The following GLRA3 variants were observed in gnomAD, a reference collection of about 807,000 sequenced individuals.
GLRA3 encodes glycine receptor alpha 3, also known as glycine receptor subunit alpha-3.
Under a neutral mutation model 60.4 loss-of-function variants are expected in GLRA3, and 44 were observed. The ratio of observed to expected loss-of-function variants is 0.73; its 90% CI spans 0.57 to 0.94. The LOEUF (loss-of-function observed/expected upper bound fraction) is 0.94. GLRA3 is among the 40% of genes least tolerant of loss of function. The pLI, the probability that GLRA3 is intolerant of heterozygous loss-of-function variation, is 0.00. For missense variants in GLRA3, 508 were observed against 564.6 expected (o/e 0.90, Z 1.02); for synonymous variants, 223 against 192.9 (o/e 1.16, Z -1.29).
chr4:174,812,502 C>A (rs924311401), intron 1 of GLRA3, among the ~76,000 whole-genome samples: 1 of 151,786 alleles, frequency 6.6e-6, no homozygotes, highest in South Asian at 2.1e-4. Context: ...GTGCAAGAAG[C>A]CCTACCTCTG....
chr4:174,796,672 G>A (rs1259129137), intron 1 of GLRA3, among the ~76,000 whole-genome samples: 1 of 151,994 alleles, frequency 6.6e-6, no homozygotes, highest in East Asian at 1.9e-4. Context: ...GAGTAGCTGG[G>A]ACTACAGGCA....
In GLRA3 at chr4:174,688,318, CATATATATATATATATATATATAT is replaced by C. The variant is rs553159490; in HGVS notation, c.575-5403_575-5380del. On this transcript the variant is annotated intron_variant, in intron 5 of 9. Transcript: ENST00000274093. The stretch of plus-strand genomic sequence containing the variant: ...CATAGTACTTATCCTTACCTGACAT[CATATATATATATATATATATATAT>C]ATATATATATATATATATATATATA... Among the ~76,000 whole-genome samples the C allele has an allele frequency of 1.1e-3, 37 of 34,960 alleles. 1 individual carries two copies. Among genetic ancestry groups the C allele is most frequent in the Middle Eastern group, 0.026 (1 of 38 alleles). The allele number at this position is 34,960 out of a possible 152,430, so 22.9% of individuals were successfully genotyped here. A position where few individuals can be genotyped will look rare whatever the true frequency, so the allele number is the denominator to read the frequency against.
chr4:174,651,904 G>A (rs552939430), intron 9 of GLRA3, among the ~76,000 whole-genome samples: 11 of 152,192 alleles, frequency 7.2e-5, no homozygotes, highest in African/African-American at 2.4e-4. Flanking sequence ...TCAGAAACAG[G>A]ATCTCAACTC....
At chr4:174,680,809 T>G (rs1310165799) in intron 6 of GLRA3, among the ~76,000 whole-genome samples, 1 of 152,218 alleles carries the variant, frequency 6.6e-6, no homozygotes, top group Non-Finnish European at 1.5e-5. Context: ...ATTTTTAACT[T>G]AAGTATATTT....
intron 5 of GLRA3, among the ~76,000 whole-genome samples, chr4:174,698,938 T>C (rs1014615436): frequency 2.6e-5 from 4 of 152,102 alleles, no homozygotes; most frequent in Admixed American, 1.3e-4. Context: ...TTTATTATTA[T>C]ATAATTTGCC....
chr4:174,654,360 CAAATA>C (rs60850408), intron 9 of GLRA3, among the ~76,000 whole-genome samples: 77,399 of 151,338 alleles, frequency 0.51, 21,235 homozygotes, highest in African/African-American at 0.72. Flanking sequence ...AAAACATAAG[CAAATA>C]AAATAAAGTT....
At chr4:174,702,291 G>A (rs1735348946) in intron 5 of GLRA3, among the ~76,000 whole-genome samples, 3 of 152,070 alleles carry the variant, frequency 2.0e-5, no homozygotes. Context: ...AGCATTTTTA[G>A]CAATAAAGTA....
intron 1 of GLRA3, among the ~76,000 whole-genome samples, chr4:174,816,538 G>A (rs1200883057): frequency 6.6e-6 from 1 of 151,748 alleles, no homozygotes; most frequent in African/African-American, 2.4e-5. Context: ...TTTTGTCCTG[G>A]CACTATAATT....
intron 7 of GLRA3, among the ~76,000 whole-genome samples, chr4:174,664,137 C>A (rs1214521607): frequency 6.6e-6 from 1 of 152,158 alleles, no homozygotes; most frequent in Non-Finnish European, 1.5e-5. Context: ...TCCACCCCAT[C>A]GGCTTTGTGG....
At position 174,818,615 on chromosome 4, in the gene GLRA3, G is replaced by A. The variant is rs571339445; in HGVS notation, c.71+10126C>T. ...GATACCCTAAATTTCAGAGATTTAA[G>A]GGGAAAAATATTTTAGAATCTTTTC... On this transcript the variant is annotated intron_variant, in intron 1 of 9. Transcript: ENST00000274093. Among the ~76,000 whole-genome samples, 10 of 152,242 alleles carry A rather than the reference G, an allele frequency of 6.6e-5. No individual in the cohort carries two copies. The East Asian group carries it at 1.9e-3, about 29-fold the overall frequency.
At chr4:174,782,656 C>T (rs1308799750) in intron 2 of GLRA3, among the ~76,000 whole-genome samples, 1 of 152,146 alleles carries the variant, frequency 6.6e-6, no homozygotes, top group African/African-American at 2.4e-5. Flanking sequence ...AAATCACAAG[C>T]ATTCTTATAC....
chr4:174,728,660 A>G lies in GLRA3; in HGVS notation c.306T>C (p.Asn102=), dbSNP rs1341620689. 2.5e-6 allele frequency: 4 copies of G among 1,609,098 alleles called. No individual in the cohort carries two copies. Among genetic ancestry groups the G allele is most frequent in the African/African-American group, 2.7e-5 (2 of 74,778 alleles). ...RVNIFLRQKW[N]DPRLAYSEYP... is the part of the protein sequence containing the mutation. ...ATTCACTGTACGCGAGGCGGGGATC[A>G]TTCCATTTCTGACGAAGAAAGATAT... The change falls in exon 4 of 10, where the codon AAT becomes AAC. Residue 102 remains asparagine (N), a synonymous_variant. Transcript: ENST00000274093.
intron 5 of GLRA3, among the ~76,000 whole-genome samples, chr4:174,694,063 AC>A: frequency 8.2e-6 from 1 of 122,210 alleles, no homozygotes; most frequent in South Asian, 2.9e-4. Context: ...TGCACCTACC[AC>A]AGGGGGCATT....
intron 3 of GLRA3, among the ~76,000 whole-genome samples, chr4:174,735,206 T>C (rs777775894): frequency 6.6e-6 from 1 of 152,088 alleles, no homozygotes; most frequent in Non-Finnish European, 1.5e-5. Flanking sequence ...TGGACTTCAC[T>C]CTGTCCTTCA....
At chr4:174,805,489 T>C (rs998341488) in intron 1 of GLRA3, among the ~76,000 whole-genome samples, 1 of 152,122 alleles carries the variant, frequency 6.6e-6, no homozygotes, top group Non-Finnish European at 1.5e-5. Context: ...TAGGCTTCAT[T>C]GACTTCCTGC....
chr4:174,762,489 T>C (rs1002917683), intron 3 of GLRA3, among the ~76,000 whole-genome samples: 1 of 152,168 alleles, frequency 6.6e-6, no homozygotes, highest in Non-Finnish European at 1.5e-5. Flanking sequence ...CATTTTTGGT[T>C]CTTATAACTA....
At chr4:174,793,386 A>G (rs1417231644) in intron 1 of GLRA3, among the ~76,000 whole-genome samples, 1 of 151,844 alleles carries the variant, frequency 6.6e-6, no homozygotes, top group Non-Finnish European at 1.5e-5. Flanking sequence ...CTTTCAAAAA[A>G]ATACCTGTTT....
At chr4:174,695,640 TGGTCAAAA>T (rs1561061361) in intron 5 of GLRA3, among the ~76,000 whole-genome samples, 3 of 152,116 alleles carry the variant, frequency 2.0e-5, no homozygotes, top group African/African-American at 7.2e-5. Flanking sequence ...TTATACTGAA[TGGTCAAAA>T]GCTGGAAGCA....
intron 1 of GLRA3, among the ~76,000 whole-genome samples, chr4:174,796,531 C>T (rs956581887): frequency 9.2e-5 from 14 of 151,770 alleles, no homozygotes; most frequent in African/African-American, 3.1e-4. Context: ...ATAGTCTATC[C>T]CTTTCTTTCT....
Sources: allele counts gnomAD v4.1 joint callset (sites outside exome capture counted in the v4.1 genomes callset), GRCh38; gene constraint gnomAD v4.1.1; transcripts MANE v1.5; gene names NCBI Gene and HGNC (gene_info 2026-07-23, HGNC 2026-07-21).